KCNIP4: variants seen among roughly 807,000 people sequenced by gnomAD.
KCNIP4 encodes potassium voltage-gated channel interacting protein 4, also known as Kv channel-interacting protein 4.
Under a neutral mutation model 34.0 loss-of-function variants are expected in KCNIP4, and 12 were observed. That is an observed-to-expected ratio of 0.35 (90% CI 0.23 to 0.57). KCNIP4 has a LOEUF of 0.57. KCNIP4 is among the 20% of genes least tolerant of loss of function. The pLI is 0.83. For synonymous variants in KCNIP4, 124 were observed against 102.2 expected, an observed-to-expected ratio of 1.21 and a Z score of -1.29; for missense variants, 238 against 311.7, an observed-to-expected ratio of 0.76 and a Z score of 1.78.
chr4:20,861,752 T>C (rs1481536116), intron 2 of KCNIP4, among the ~76,000 whole-genome samples: 2 of 152,112 alleles, frequency 1.3e-5, no homozygotes, highest in East Asian at 1.9e-4. Flanking sequence ...AATTTCATAA[T>C]TGAATTCAAT....
chr4:21,495,588 C>T (rs1381040827), intron 1 of KCNIP4, among the ~76,000 whole-genome samples: 1 of 150,480 alleles, frequency 6.6e-6, no homozygotes, highest in Non-Finnish European at 1.5e-5. Context: ...TAAACACTTA[C>T]CTTTTTTTTT....
intron 1 of KCNIP4, among the ~76,000 whole-genome samples, chr4:21,192,917 T>TACC (rs1755758040): frequency 1.7e-5 from 1 of 57,342 alleles, no homozygotes; most frequent in Non-Finnish European, 3.0e-5. Context: ...GCCCCGTCTC[T>TACC]ACTACTACTA....
intron 1 of KCNIP4, among the ~76,000 whole-genome samples, chr4:21,122,071 A>C (rs1750207833): frequency 6.6e-6 from 1 of 152,194 alleles, no homozygotes; most frequent in Non-Finnish European, 1.5e-5. Context: ...TTTGCAAATT[A>C]CTGGAATGAT....
chr4:21,731,469 T>C (rs1446606354), intron 1 of KCNIP4, among the ~76,000 whole-genome samples: 1 of 152,178 alleles, frequency 6.6e-6, no homozygotes, highest in Non-Finnish European at 1.5e-5. Flanking sequence ...TTGCTTCTAA[T>C]CACGCTGTAT....
intron 1 of KCNIP4, among the ~76,000 whole-genome samples, chr4:21,653,593 T>A (rs1329843325): frequency 1.3e-5 from 2 of 152,206 alleles, no homozygotes; most frequent in Non-Finnish European, 2.9e-5. Context: ...GTAATGCTAG[T>A]TTACATGTTG....
chr4:21,629,048 T>C (rs1341268489), intron 1 of KCNIP4, among the ~76,000 whole-genome samples: 1 of 152,008 alleles, frequency 6.6e-6, no homozygotes, highest in Non-Finnish European at 1.5e-5. Context: ...CCCTCCAAGG[T>C]GTTGGGTGGG....
At chr4:21,227,125 C>A (rs538339579) in intron 1 of KCNIP4, among the ~76,000 whole-genome samples, 37 of 152,292 alleles carry the variant, frequency 2.4e-4, no homozygotes, top group Admixed American at 1.1e-3. Context: ...AATGCTTGCA[C>A]CAGCATGTAG....
chr4:21,679,465 C>A (rs1166824741), intron 1 of KCNIP4, among the ~76,000 whole-genome samples: 1 of 85,036 alleles, frequency 1.2e-5, no homozygotes, highest in East Asian at 3.7e-4. Context: ...ATATCCCCTG[C>A]CTTTGTTTCT....
At chr4:20,949,630 TG>T (rs1379385007) in intron 1 of KCNIP4, among the ~76,000 whole-genome samples, 2 of 151,862 alleles carry the variant, frequency 1.3e-5, no homozygotes, top group Non-Finnish European at 2.9e-5. Context: ...AATGATAGAC[TG>T]GATTAAGAAA....
intron 1 of KCNIP4, among the ~76,000 whole-genome samples, chr4:21,636,663 C>T (rs114074317): frequency 1.4e-3 from 220 of 152,134 alleles, no homozygotes; most frequent in African/African-American, 4.9e-3. Flanking sequence ...TAAGAAACTC[C>T]CAAAAGGCAC....
chr4:21,381,812 TGAG>T (rs1721533922), intron 1 of KCNIP4, among the ~76,000 whole-genome samples: 1 of 152,144 alleles, frequency 6.6e-6, no homozygotes, highest in Non-Finnish European at 1.5e-5. Context: ...AGCTATTCAT[TGAG>T]GAGGAGTAAG....
chr4:20,930,049 A>G (rs958336186), intron 1 of KCNIP4, among the ~76,000 whole-genome samples: 2 of 152,044 alleles, frequency 1.3e-5, no homozygotes. Context: ...CCACAGACAC[A>G]TAAAAACAGA....
At chr4:21,068,538 A>C (rs769105804) in intron 1 of KCNIP4, among the ~76,000 whole-genome samples, 4 of 152,126 alleles carry the variant, frequency 2.6e-5, no homozygotes, top group Non-Finnish European at 5.9e-5. Flanking sequence ...TAGGTCAAGC[A>C]GGCTCCACAC....
intron 3 of KCNIP4, among the ~76,000 whole-genome samples, chr4:20,843,319 G>C (rs1411492366): frequency 1.3e-5 from 2 of 152,188 alleles, no homozygotes; most frequent in Non-Finnish European, 2.9e-5. Flanking sequence ...AAAACTAACA[G>C]TAGTTACCTC....
intron 1 of KCNIP4, among the ~76,000 whole-genome samples, chr4:21,810,260 GAAATAT>G (rs1440231605): frequency 6.6e-6 from 1 of 152,202 alleles, no homozygotes; most frequent in East Asian, 1.9e-4. Context: ...ACAATGCATA[GAAATAT>G]TCAATAGCAT....
At chr4:21,218,419 T>G (rs900452797) in intron 1 of KCNIP4, among the ~76,000 whole-genome samples, 5 of 152,150 alleles carry the variant, frequency 3.3e-5, no homozygotes, top group African/African-American at 1.2e-4. Flanking sequence ...TTCATTTCAT[T>G]ATTATAAGGA....
intron 1 of KCNIP4, among the ~76,000 whole-genome samples, chr4:20,972,259 T>A (rs552036328): frequency 1.5e-3 from 224 of 152,324 alleles, no homozygotes; most frequent in African/African-American, 5.1e-3. Flanking sequence ...GCATACAGAA[T>A]GGTGAATCCT....
At chr4:21,906,765 T>A (rs1238778700) in intron 1 of KCNIP4, among the ~76,000 whole-genome samples, 1 of 152,184 alleles carries the variant, frequency 6.6e-6, no homozygotes. Flanking sequence ...CTGCATACCC[T>A]GCCCTGATAA....
intron 1 of KCNIP4, among the ~76,000 whole-genome samples, chr4:21,773,752 T>TGG (rs373135486): frequency 1.0e-4 from 14 of 137,770 alleles, no homozygotes; most frequent in Non-Finnish European, 1.5e-4. Flanking sequence ...GTTGTTTTTT[T>TGG]TTTTTTGTTT....
Sources: gnomAD v4.1 joint callset for allele counts (sites outside exome capture counted in the v4.1 genomes callset) on GRCh38, gnomAD v4.1.1 for gene constraint, MANE v1.5 for transcripts, NCBI Gene and HGNC (gene_info 2026-07-23, HGNC 2026-07-21) for gene names.